The following RAD51B variants were observed in gnomAD, a reference collection of about 807,000 sequenced individuals.
RAD51B encodes the protein DNA repair protein RAD51 homolog 2.
RAD51B carries 38 observed loss-of-function variants against 42.2 expected under a neutral mutation model. That is an observed-to-expected ratio of 0.90 (90% CI 0.70 to 1.18). The LOEUF (loss-of-function observed/expected upper bound fraction) is 1.18. RAD51B is among the 50% of genes most tolerant of loss of function. The pLI, the probability that RAD51B is intolerant of heterozygous loss-of-function variation, is 0.00. For missense variants in RAD51B, 373 were observed against 400.7 expected (o/e 0.93, Z 0.59); for synonymous variants, 154 against 145.2 (o/e 1.06, Z -0.43).
chr14:68,044,778 GGCT>G (rs1418865418), intron 7 of RAD51B, among the ~76,000 whole-genome samples: 4 of 150,870 alleles, frequency 2.7e-5, no homozygotes, highest in African/African-American at 9.8e-5. Flanking sequence ...CTTTCTTACT[GGCT>G]ATAATCTAAT....
chr14:68,577,390 G>A (rs528335524), intron 10 of RAD51B, among the ~76,000 whole-genome samples: 1 of 152,032 alleles, frequency 6.6e-6, no homozygotes, highest in East Asian at 1.9e-4. Flanking sequence ...TGAAGGCCCA[G>A]CCTCAAAAAG....
intron 7 of RAD51B, among the ~76,000 whole-genome samples, chr14:68,004,701 A>C (rs1442736661): frequency 6.6e-6 from 1 of 152,180 alleles, no homozygotes; most frequent in Non-Finnish European, 1.5e-5. Context: ...ACCAGAATCC[A>C]GATGAAGAAA....
intron 8 of RAD51B, among the ~76,000 whole-genome samples, chr14:68,305,648 T>C (rs2081845215): frequency 6.6e-6 from 1 of 152,224 alleles, no homozygotes; most frequent in Admixed American, 6.5e-5. Context: ...TCATGATCTT[T>C]GTGATGGAGG....
chr14:68,121,838 T>A (rs1365025935), intron 7 of RAD51B, among the ~76,000 whole-genome samples: 1 of 152,092 alleles, frequency 6.6e-6, no homozygotes, highest in Non-Finnish European at 1.5e-5. Flanking sequence ...TTTTGTAAAA[T>A]GTATTAAGCT....
chr14:68,230,922 C>T (rs2080136549), intron 7 of RAD51B, among the ~76,000 whole-genome samples: 1 of 152,152 alleles, frequency 6.6e-6, no homozygotes, highest in African/African-American at 2.4e-5. Context: ...GGAAGGTCAA[C>T]ATTAGGGCCA....
At chr14:67,936,043 A>G (rs1436338068) in intron 7 of RAD51B, among the ~76,000 whole-genome samples, 1 of 144,686 alleles carries the variant, frequency 6.9e-6, no homozygotes, top group African/African-American at 2.9e-5. Context: ...TAAAGGACAC[A>G]TTATAAAAAG....
At chr14:68,526,257 G>T (rs10483810) in intron 10 of RAD51B, among the ~76,000 whole-genome samples, 10,229 of 152,222 alleles carry the variant, frequency 0.067, 451 homozygotes, top group South Asian at 0.11. Context: ...TTCGTGCTTT[G>T]CCACATATAG....
At chr14:68,231,455 A>G (rs1407038334) in intron 7 of RAD51B, among the ~76,000 whole-genome samples, 1 of 151,940 alleles carries the variant, frequency 6.6e-6, no homozygotes, top group Non-Finnish European at 1.5e-5. Context: ...TTTCCCCTAA[A>G]CCATCATTCT....
At chr14:68,378,393 C>G (rs575329037) in intron 8 of RAD51B, among the ~76,000 whole-genome samples, 1 of 152,258 alleles carries the variant, frequency 6.6e-6, no homozygotes, top group South Asian at 2.1e-4. Flanking sequence ...TTGAGACCAC[C>G]TTCCTCTATT....
intron 7 of RAD51B, among the ~76,000 whole-genome samples, chr14:67,966,610 T>G (rs1271857158): frequency 6.6e-6 from 1 of 152,222 alleles, no homozygotes; most frequent in East Asian, 1.9e-4. Flanking sequence ...TTCTGTTGCT[T>G]CAGACCTTTC....
intron 8 of RAD51B, among the ~76,000 whole-genome samples, chr14:68,410,683 G>A (rs572337513): frequency 6.6e-6 from 1 of 152,256 alleles, no homozygotes; most frequent in South Asian, 2.1e-4. Flanking sequence ...TTGTTGGCTT[G>A]CCTTCAAGGG....
chr14:67,856,092 C>T (rs981999037), intron 4 of RAD51B, among the ~76,000 whole-genome samples: 3 of 152,144 alleles, frequency 2.0e-5, no homozygotes, highest in East Asian at 1.9e-4. Context: ...GATTATATCC[C>T]TTAATACTGT....
intron 3 of RAD51B, among the ~76,000 whole-genome samples, chr14:67,827,319 C>T (rs1162624840): frequency 6.6e-6 from 1 of 152,210 alleles, no homozygotes; most frequent in African/African-American, 2.4e-5. Context: ...CGAAATTCAA[C>T]TTTAATTTCT....
chr14:68,599,275 G>A (rs1447862254), downstream of RAD51B, among the ~76,000 whole-genome samples: 1 of 152,192 alleles, frequency 6.6e-6, no homozygotes, highest in African/African-American at 2.4e-5. Context: ...CGTGCTGGAC[G>A]TTATTCTAAC....
intron 10 of RAD51B, among the ~76,000 whole-genome samples, chr14:68,601,242 G>A (rs982050583): frequency 6.6e-6 from 1 of 151,670 alleles, no homozygotes. Context: ...TTTTTTTGGT[G>A]GGGGGGTGGG....
chr14:68,511,981 A>G (rs765548361), intron 10 of RAD51B, among the ~76,000 whole-genome samples: 12 of 152,244 alleles, frequency 7.9e-5, no homozygotes, highest in African/African-American at 2.9e-4. Flanking sequence ...CTAGAGGTGG[A>G]ATAAAACAGA....
intron 7 of RAD51B, among the ~76,000 whole-genome samples, chr14:67,939,019 G>A (rs538660166): frequency 1.8e-4 from 27 of 152,296 alleles, no homozygotes; most frequent in African/African-American, 6.3e-4. Flanking sequence ...CATTTAAAGT[G>A]TCTGGGCTCT....
chr14:68,332,700 A>G (rs953394204), intron 8 of RAD51B, among the ~76,000 whole-genome samples: 2 of 152,256 alleles, frequency 1.3e-5, no homozygotes, highest in African/African-American at 4.8e-5. Context: ...AAAAAAACCA[A>G]AACTATTTCC....
intron 11 of RAD51B, among the ~76,000 whole-genome samples, chr14:68,673,603 GCA>G (rs150030840): frequency 0.42 from 62,177 of 148,836 alleles, 13,510 homozygotes; most frequent in African/African-American, 0.56. Flanking sequence ...ATATGTACAT[GCA>G]CACACACACG....
Sources: allele counts gnomAD v4.1 joint callset (sites outside exome capture counted in the v4.1 genomes callset), GRCh38; gene constraint gnomAD v4.1.1; transcripts MANE v1.5; gene names NCBI Gene and HGNC (gene_info 2026-07-23, HGNC 2026-07-21).